ALK: variants seen among roughly 807,000 people sequenced by gnomAD.
The protein encoded by ALK is ALK receptor tyrosine kinase, also known as ALK tyrosine kinase receptor.
A neutral mutation model predicts 163.1 loss-of-function variants in ALK; 74 were observed. The observed-to-expected ratio is 0.45, with a 90% CI of 0.38 to 0.55. The LOEUF (loss-of-function observed/expected upper bound fraction) is 0.55, where lower values mean the gene tolerates loss of function less well. Ranked by LOEUF, ALK falls within the 20% of genes least tolerant of loss-of-function variation. ALK has a pLI of 0.00. For missense variants in ALK, 2,063 were observed against 2,105.3 expected, an observed-to-expected ratio of 0.98 and a Z score of 0.39; for synonymous variants, 960 against 843.2, an observed-to-expected ratio of 1.14 and a Z score of -2.40.
In ALK at chr2:29,902,528, C is replaced by G. The variant is rs1232711706; in HGVS notation, c.667+17465G>C. ...TCAGGCCTTTGATGGCTGCCTGTTT[C>G]CTGCTGCAAGAAAGTCAAACACCCT... On this transcript the variant is annotated intron_variant, in intron 1 of 28. Coordinates refer to ENST00000389048, the MANE Select transcript of ALK (RefSeq NM_004304.5). Among the ~76,000 whole-genome samples, 3 of 152,316 alleles carry G rather than the reference C, an allele frequency of 2.0e-5. No individual in the cohort carries two copies. In the East Asian group the frequency reaches 5.8e-4, roughly 29 times the overall value.
chr2:29,890,326 G>A (rs1195517619), intron 1 of ALK: 1 of 152,192 alleles, frequency 6.6e-6, no homozygotes, highest in Non-Finnish European at 1.5e-5. Flanking sequence ...AAACAGGCCT[G>A]GGCCTGAATC....
chr2:29,385,263 T>C (rs926463964), intron 4 of ALK, among the ~76,000 whole-genome samples: 1 of 151,514 alleles, frequency 6.6e-6, no homozygotes, highest in Non-Finnish European at 1.5e-5. Flanking sequence ...CTGTAAAAAA[T>C]AAAAAGCATT....
chr2:29,438,052 A>G (rs1670446855), intron 4 of ALK, among the ~76,000 whole-genome samples: 1 of 151,360 alleles, frequency 6.6e-6, no homozygotes, highest in East Asian at 2.0e-4. Context: ...ATTCCACCTG[A>G]CCTTCAGAGG....
At chr2:29,323,218 G>T (rs1667130026) in intron 6 of ALK, among the ~76,000 whole-genome samples, 1 of 152,164 alleles carries the variant, frequency 6.6e-6, no homozygotes, top group Admixed American at 6.5e-5. Flanking sequence ...TTTGTAAACA[G>T]CCAGAGAGGT....
intron 12 of ALK, among the ~76,000 whole-genome samples, chr2:29,242,086 C>T (rs184862369): frequency 1.3e-5 from 2 of 152,206 alleles, no homozygotes; most frequent in East Asian, 3.9e-4. Context: ...AAAAGGAAGG[C>T]TTATTGGTGA....
chr2:29,492,522 C>A (rs13000666), intron 4 of ALK, among the ~76,000 whole-genome samples: 101,905 of 152,076 alleles, frequency 0.67, 35,391 homozygotes, highest in South Asian at 0.79. Context: ...CACACTGGAC[C>A]CTATTCAGTG....
intron 9 of ALK, among the ~76,000 whole-genome samples, chr2:29,295,431 C>T (rs954458189): frequency 6.6e-6 from 1 of 152,176 alleles, no homozygotes; most frequent in Non-Finnish European, 1.5e-5. Context: ...CATGCAGCTC[C>T]ACAATCCCCA....
intron 5 of ALK, among the ~76,000 whole-genome samples, chr2:29,359,567 T>C (rs4146673): frequency 0.66 from 100,249 of 152,132 alleles, 34,165 homozygotes; most frequent in East Asian, 0.94. Flanking sequence ...AATTTGAAAA[T>C]CTCTCACATA....
chr2:29,216,659 TG>T (rs1273817149), intron 23 of ALK, among the ~76,000 whole-genome samples: 1 of 118,238 alleles, frequency 8.5e-6, no homozygotes, highest in Non-Finnish European at 1.8e-5. Context: ...GTATGGTGTG[TG>T]TGTTTTGTGT....
chr2:29,771,359 G>A (rs1381870181), intron 1 of ALK, among the ~76,000 whole-genome samples: 2 of 152,108 alleles, frequency 1.3e-5, no homozygotes, highest in Non-Finnish European at 1.5e-5. Context: ...AGAGTACATA[G>A]GACAAGTTCT....
intron 4 of ALK, among the ~76,000 whole-genome samples, chr2:29,427,683 G>A (rs907133629): frequency 6.6e-6 from 1 of 151,810 alleles, no homozygotes; most frequent in Non-Finnish European, 1.5e-5. Flanking sequence ...AGATAAAATG[G>A]CAGATAAAAA....
chr2:29,892,432 G>A (rs959005333), intron 1 of ALK: 9 of 152,308 alleles, frequency 5.9e-5, no homozygotes, highest in African/African-American at 2.2e-4. Context: ...AGTGAAAACT[G>A]TCCACTATAC....
intron 4 of ALK, among the ~76,000 whole-genome samples, chr2:29,482,187 C>T (rs1244294103): frequency 6.6e-6 from 1 of 152,190 alleles, no homozygotes; most frequent in Non-Finnish European, 1.5e-5. Flanking sequence ...AAGGCTTTCT[C>T]TGGGCTTGCA....
At chr2:29,273,569 G>A (rs1665450893) in intron 11 of ALK, among the ~76,000 whole-genome samples, 1 of 152,218 alleles carries the variant, frequency 6.6e-6, no homozygotes, top group Admixed American at 6.5e-5. Context: ...AGGGTGGATG[G>A]CTGTTTCCTA....
At chr2:29,375,011 T>C (rs2148295627) in intron 5 of ALK, among the ~76,000 whole-genome samples, 1 of 152,240 alleles carries the variant, frequency 6.6e-6, no homozygotes, top group African/African-American at 2.4e-5. Context: ...CCTCCCCAGG[T>C]TGGCAGTGTG....
intron 4 of ALK, among the ~76,000 whole-genome samples, chr2:29,445,907 G>A (rs536813194): frequency 1.8e-3 from 265 of 150,770 alleles, no homozygotes; most frequent in African/African-American, 6.1e-3. Context: ...AGACCATCCC[G>A]GCTAAAACGG....
intron 3 of ALK, among the ~76,000 whole-genome samples, chr2:29,556,878 T>C (rs1166056194): frequency 6.6e-6 from 1 of 152,242 alleles, no homozygotes; most frequent in Admixed American, 6.5e-5. Context: ...AAGCTGTAAA[T>C]ATTTCTCCTC....
chr2:29,763,124 A>G (rs1680758750), intron 1 of ALK, among the ~76,000 whole-genome samples: 1 of 151,606 alleles, frequency 6.6e-6, no homozygotes, highest in African/African-American at 2.4e-5. Context: ...CTCTGAAGTC[A>G]GATGACCTGG....
At chr2:29,202,789 T>C (rs1433947594) in intron 26 of ALK, among the ~76,000 whole-genome samples, 1 of 152,230 alleles carries the variant, frequency 6.6e-6, no homozygotes, top group Non-Finnish European at 1.5e-5. Context: ...CATCTCCTAG[T>C]TGAGGGGTAG....
Sources: allele counts gnomAD v4.1 joint callset (sites outside exome capture counted in the v4.1 genomes callset), GRCh38; gene constraint gnomAD v4.1.1; transcripts MANE v1.5; gene names NCBI Gene and HGNC (gene_info 2026-07-23, HGNC 2026-07-21).